ING3: variants seen among roughly 807,000 people sequenced by gnomAD.
ING3 encodes the protein inhibitor of growth protein 3.
ING3 carries 6 observed loss-of-function variants against 64.8 expected under a neutral mutation model. The observed-to-expected ratio is 0.09, with a 90% CI of 0.05 to 0.18. The LOEUF is 0.18. ING3 is among the 10% of genes least tolerant of loss of function. ING3 has a pLI of 1.00. For synonymous variants in ING3, 170 were observed against 173.7 expected, an observed-to-expected ratio of 0.98 and a Z score of 0.17; for missense variants, 310 against 489.7, an observed-to-expected ratio of 0.63 and a Z score of 3.46.
At position 120,952,640 on chromosome 7, in the gene ING3, C is replaced by T. The variant is rs191634405; in HGVS notation, c.101-664C>T. The stretch of plus-strand genomic sequence containing the variant: ...AAGGAACATACTTCTAAAAAATTAA[C>T]CATAGGACTTCATAGAGTCTTTAAA... On this transcript the variant is annotated intron_variant, in intron 2 of 11. Coordinates refer to ENST00000315870, the MANE Select transcript of ING3 (RefSeq NM_019071.3). 2.0e-3 allele frequency among the ~76,000 whole-genome samples: 298 copies of T among 152,132 alleles called. 2 individuals carry two copies. Among genetic ancestry groups the T allele is most frequent in the African/African-American group, 6.8e-3 (283 of 41,538 alleles).
chr7:120,960,233 G>C (rs1795913774), intron 4 of ING3, among the ~76,000 whole-genome samples: 2 of 152,178 alleles, frequency 1.3e-5, no homozygotes, highest in Non-Finnish European at 2.9e-5. Flanking sequence ...GGCCGGGGTG[G>C]TTGGTCTGTG....
intron 10 of ING3, 44 bp from the exon 11 acceptor site, chr7:120,973,161 T>C (rs754481235): frequency 9.1e-7 from 1 of 1,093,048 alleles, no homozygotes; most frequent in African/African-American, 1.6e-5. Flanking sequence ...ATCTAGGTGT[T>C]TGTTACATAG....
Position 120,950,816 on chromosome 7 carries a change from G to T in ING3, c.-81G>T. 7.8e-7 allele frequency: 1 copy of T among 1,281,078 alleles called. No individual in the cohort carries two copies. Among genetic ancestry groups the T allele is most frequent in the South Asian group, 1.2e-5 (1 of 81,266 alleles). 79.4% of individuals were successfully genotyped at this position (1,281,078 alleles called of 1,614,324 possible). A position where few individuals can be genotyped will look rare whatever the true frequency, so the allele number is the denominator to read the frequency against. ...GTGCTGCTAGCGGAGGCGCCATATT[G>T]GAGGGGACAAAACTCCGGCGACAGC... On this transcript the variant is annotated 5_prime_UTR_variant, in exon 1 of 12. Coordinates refer to ENST00000315870, the MANE Select transcript of ING3 (RefSeq NM_019071.3).
Position 120,976,118 on chromosome 7 carries a change from T to C in ING3, c.*1274T>C, listed in dbSNP as rs1796131597. 6.6e-6 allele frequency: 1 copy of C among 152,202 alleles called. No homozygotes were observed. The highest frequency in any genetic ancestry group is 2.4e-5 in the African/African-American group (1 of 41,452). The allele number at this position is 152,202 out of a possible 1,614,324, so 9.4% of individuals were successfully genotyped here. A position where few individuals can be genotyped will look rare whatever the true frequency, so the allele number is the denominator to read the frequency against. On this transcript the variant is annotated 3_prime_UTR_variant, in exon 12 of 12. Transcript: ENST00000315870. ...GTGATGCTGACTGCAGAATAGATCTTATTCTAAGGTGCTATTTAAATTATA... is the reference window on the plus strand; with the variant it reads ...GTGATGCTGACTGCAGAATAGATCTCATTCTAAGGTGCTATTTAAATTATA...
intron 4 of ING3, among the ~76,000 whole-genome samples, chr7:120,962,624 A>G (rs993888017): frequency 6.6e-6 from 1 of 152,074 alleles, no homozygotes; most frequent in African/African-American, 2.4e-5. Context: ...TCAACCTAAC[A>G]TTCTTGCTCA....
chr7:120,973,273 GA>G, intron 11 of ING3, 30 bp downstream of exon 11: 7 of 1,411,792 alleles, frequency 5.0e-6, no homozygotes, highest in African/African-American at 1.4e-5. Context: ...ATTTAGGAAT[GA>G]AAAAAATCAC....
At chr7:120,956,861 C>CTTTGGTTCT in intron 4 of ING3, 1 of 913,962 alleles carries the variant, frequency 1.1e-6, no homozygotes, top group Non-Finnish European at 1.3e-6. Flanking sequence ...TCATATAGCT[C>CTTTGGTTCT]TTTGGTTCTA....
intron 10 of ING3, among the ~76,000 whole-genome samples, chr7:120,972,470 A>T (rs1214040201): frequency 1.3e-5 from 2 of 152,210 alleles, no homozygotes; most frequent in African/African-American, 4.8e-5. Flanking sequence ...AAAGTAGATT[A>T]CTTGCAAAAG....
In ING3 at chr7:120,975,504, A is replaced by G. The variant is rs1043299569; in HGVS notation, c.*660A>G. Reference sequence around the variant, plus strand: ...AGTCTTTCTATGTTTCTGCATCCAGATAGAGTGCAGTTCATGAGGGAGGGG... The same window carrying G: ...AGTCTTTCTATGTTTCTGCATCCAGGTAGAGTGCAGTTCATGAGGGAGGGG... On this transcript the variant is annotated 3_prime_UTR_variant, in exon 12 of 12. Coordinates refer to ENST00000315870, the MANE Select transcript of ING3 (RefSeq NM_019071.3). The G allele has an allele frequency of 9.8e-5, 13 of 133,264 alleles. No individual in the cohort carries two copies. Among genetic ancestry groups the G allele is most frequent in the South Asian group, 2.8e-4 (1 of 3,524 alleles). 8.3% of individuals were successfully genotyped at this position (133,264 alleles called of 1,614,324 possible).
At chr7:120,959,053 C>T (rs529104070) in intron 4 of ING3, among the ~76,000 whole-genome samples, 3 of 152,304 alleles carry the variant, frequency 2.0e-5, no homozygotes, top group Admixed American at 1.3e-4. Flanking sequence ...TCTTGCCATT[C>T]TTGACCTTGT....
intron 5 of ING3, among the ~76,000 whole-genome samples, chr7:120,965,074 A>G (rs902136984): frequency 6.6e-6 from 1 of 152,184 alleles, no homozygotes; most frequent in African/African-American, 2.4e-5. Context: ...TTTTATATCC[A>G]CATATACTAG....
chr7:120,957,742 A>G (rs979249252), intron 4 of ING3, among the ~76,000 whole-genome samples: 12 of 152,208 alleles, frequency 7.9e-5, no homozygotes, highest in African/African-American at 2.4e-4. Flanking sequence ...TAAAGAGTGA[A>G]GTAATAAAGG....
intron 3 of ING3, among the ~76,000 whole-genome samples, chr7:120,953,841 G>C (rs1232783506): frequency 6.6e-6 from 1 of 152,168 alleles, no homozygotes; most frequent in Non-Finnish European, 1.5e-5. Flanking sequence ...AAGCCTTCTA[G>C]TTTAAACTCT....
At chr7:120,967,467 A>G (rs1160028407) in intron 6 of ING3, 62 bp from the exon 7 acceptor site, 5 of 1,244,232 alleles carry the variant, frequency 4.0e-6, no homozygotes, top group Non-Finnish European at 5.6e-6. Context: ...GGATATAAGT[A>G]TTATGCCTTG....
chr7:120,973,242 A>G lies in ING3; in HGVS notation c.1139A>G (p.Asp380Gly). 6.5e-7 allele frequency: 1 copy of G among 1,528,706 alleles called. No homozygotes were observed. Among genetic ancestry groups the G allele is most frequent in the Non-Finnish European group, 9.0e-7 (1 of 1,106,598 alleles). The allele number at this position is 1,528,706 out of a possible 1,614,324, so 94.7% of individuals were successfully genotyped here. A position where few individuals can be genotyped will look rare whatever the true frequency, so the allele number is the denominator to read the frequency against. Residue 380 changes from aspartate to glycine, a missense_variant and splice_region_variant, in exon 11 of 12, where the codon GAT becomes GGT. Asp to Gly is a moderately conservative substitution (Grantham distance 94). Transcript: ENST00000315870. ...GAGATGGTGGGATGTGATAACCAAG[A>G]TGTAAGTATTACATTTTTCTATTTA... ...YGEMVGCDNQDCPIEWFHYGC... is the reference protein window; with the variant it reads ...YGEMVGCDNQGCPIEWFHYGC...
intron 2 of ING3, 23 bp downstream of exon 2, chr7:120,951,258 C>T: frequency 6.2e-7 from 1 of 1,611,838 alleles, no homozygotes; most frequent in East Asian, 2.2e-5. Context: ...GTCTACTACT[C>T]CTGTTCGCTG....
At chr7:120,957,096 G>T (rs1795859954) in intron 4 of ING3, 1 of 163,774 alleles carries the variant, frequency 6.1e-6, no homozygotes, top group Admixed American at 6.5e-5. Context: ...ACTAGGCCGG[G>T]CGCAGTGGCT....
rs977005655 is a variant in ING3, at chr7:120,975,655, T to G, written c.*811T>G. ...GTGTTAAAATAAAGTTTTTAAAAAA[T>G]TACTTGTATTTATACTTTACATACT... On this transcript the variant is annotated 3_prime_UTR_variant, in exon 12 of 12. Coordinates refer to ENST00000315870, the MANE Select transcript of ING3 (RefSeq NM_019071.3). The G allele has an allele frequency of 6.6e-6, 1 of 152,104 alleles. No individual in the cohort carries two copies. Among genetic ancestry groups the G allele is most frequent in the Non-Finnish European group, 1.5e-5 (1 of 67,988 alleles). 9.4% of individuals were successfully genotyped at this position (152,104 alleles called of 1,614,324 possible).
chr7:120,956,886 T>C, intron 4 of ING3: 3 of 844,958 alleles, frequency 3.6e-6, no homozygotes, highest in Non-Finnish European at 4.3e-6. Flanking sequence ...TTGTTTTGTT[T>C]ATTATTTTGT....
Sources: gnomAD v4.1 joint callset for allele counts (sites outside exome capture counted in the v4.1 genomes callset) on GRCh38, gnomAD v4.1.1 for gene constraint, MANE v1.5 for transcripts, NCBI Gene and HGNC (gene_info 2026-07-23, HGNC 2026-07-21) for gene names.